The following PPARA variants were observed in gnomAD, a reference collection of about 807,000 sequenced individuals.
The protein encoded by PPARA is peroxisome proliferator activated receptor alpha.
PPARA carries 22 observed loss-of-function variants against 42.2 expected under a neutral mutation model. The ratio of observed to expected loss-of-function variants is 0.52; its 90% confidence interval spans 0.37 to 0.74. The LOEUF (loss-of-function observed/expected upper bound fraction) is 0.74. Among genes scored for constraint, PPARA ranks in the 30% least tolerant of loss-of-function variants. The pLI is 0.00. For synonymous variants in PPARA, 242 were observed against 239.3 expected (o/e 1.01, Z -0.10); for missense variants, 465 against 608.2 (o/e 0.76, Z 2.48).
rs529713117 is a variant in PPARA, at chr22:46,230,517, G to A, written c.712-1275G>A. 4.6e-5 allele frequency among the ~76,000 whole-genome samples: 7 copies of A among 152,354 alleles called. No individual in the cohort carries two copies. The highest frequency in any genetic ancestry group is 1.7e-4 in the African/African-American group (7 of 41,584). On this transcript the variant is annotated intron_variant, in intron 7 of 8. Coordinates refer to ENST00000407236, the MANE Select transcript of PPARA (RefSeq NM_005036.6). The surrounding 1 kb of genome is among the most constrained non-coding windows in gnomAD (Gnocchi z 5.0). ...GATGTAAATTTCAGCCAACAGCAGT[G>A]TTTGTGCTCATTTTCCCCGGCTCTC...
In PPARA at chr22:46,162,643, CA is replaced by C. The variant is rs1569185483; in HGVS notation, c.-127+10674del. On this transcript the variant is annotated intron_variant, in intron 2 of 8. Coordinates refer to ENST00000407236, the MANE Select transcript of PPARA (RefSeq NM_005036.6). The surrounding 1 kb of genome is among the most constrained non-coding windows in gnomAD (Gnocchi z 6.0). Reference sequence around the variant, plus strand: ...CCCCGTGAGGCCAGAGTCCTTGGCTCATCACTCATGGTTGAACCCGGAGCCT... The same window carrying C: ...CCCCGTGAGGCCAGAGTCCTTGGCTCTCACTCATGGTTGAACCCGGAGCCT... Among the ~76,000 whole-genome samples the C allele has an allele frequency of 6.6e-6, 1 of 152,176 alleles. No homozygotes were observed. The highest frequency in any genetic ancestry group is 2.4e-5 in the African/African-American group (1 of 41,424).
chr22:46,177,041 T>A (rs921093038), intron 3 of PPARA, among the ~76,000 whole-genome samples: 1 of 152,052 alleles, frequency 6.6e-6, no homozygotes, highest in Admixed American at 6.5e-5. Context: ...AAACCCTGTC[T>A]CTACTACAAA....
rs539549628 is a variant in PPARA, at chr22:46,230,093, C to T, written c.712-1699C>T. Among the ~76,000 whole-genome samples, 17 of 152,266 alleles carry T rather than the reference C, an allele frequency of 1.1e-4. No individual in the cohort carries two copies. In the East Asian group the frequency reaches 1.4e-3, roughly 12 times the overall value. On this transcript the variant is annotated intron_variant, in intron 7 of 8. Coordinates refer to ENST00000407236, the MANE Select transcript of PPARA (RefSeq NM_005036.6). This position sits in a 1 kb window ranked among gnomAD's most constrained non-coding sequence, Gnocchi z 5.0. ...AGTGATTAGAAATAACGCTGTAGGC[C>T]GGGCGCGGTGGCTCACCCCTGTAAT...
In PPARA at chr22:46,169,780, A is replaced by G. The variant is rs560117030; in HGVS notation, c.-126-6973A>G. ...GCTTAAATATAGCCCAAATAAATAGATGGATATACTATGTTCATGGAAGGG... is the reference window on the plus strand; with the variant it reads ...GCTTAAATATAGCCCAAATAAATAGGTGGATATACTATGTTCATGGAAGGG... On this transcript the variant is annotated intron_variant, in intron 2 of 8. Coordinates refer to ENST00000407236, the MANE Select transcript of PPARA (RefSeq NM_005036.6). 2.6e-5 allele frequency among the ~76,000 whole-genome samples: 4 copies of G among 152,144 alleles called. No individual in the cohort carries two copies. The East Asian group carries it at 7.7e-4, about 29-fold the overall frequency.
chr22:46,154,073 T>A (rs564273850), intron 2 of PPARA, among the ~76,000 whole-genome samples: 1 of 152,360 alleles, frequency 6.6e-6, no homozygotes, highest in South Asian at 2.1e-4. Flanking sequence ...TATGTGTATA[T>A]ATTTAATACA....
At chr22:46,157,650 TG>T (rs1925523631) in intron 2 of PPARA, among the ~76,000 whole-genome samples, 1 of 152,208 alleles carries the variant, frequency 6.6e-6, no homozygotes, top group African/African-American at 2.4e-5. Flanking sequence ...TGCAAGATCA[TG>T]GATTTAAATT....
rs543555920 is a variant in PPARA at position 46,166,800 on chromosome 22, G to A, written c.-126-9953G>A. ...AGAAGACTCAGTATCTTAGGATGGC[G>A]ACTTTTCCCAAAATGATCTACAGAT... On this transcript the variant is annotated intron_variant, in intron 2 of 8. Transcript: ENST00000407236. 3.3e-5 allele frequency among the ~76,000 whole-genome samples: 5 copies of A among 152,180 alleles called. No homozygotes were observed. The South Asian group carries it at 8.3e-4, about 25-fold the overall frequency.
rs1452233202 is a variant in PPARA, at chr22:46,192,168, A to G, written c.-42-6174A>G. Among the ~76,000 whole-genome samples, 1 of 152,236 alleles carries G rather than the reference A, an allele frequency of 6.6e-6. No homozygotes were observed. Among genetic ancestry groups the G allele is most frequent in the Non-Finnish European group, 1.5e-5 (1 of 68,032 alleles). Reference sequence around the variant, plus strand: ...TTAGGTGAATATGTTCCCTAGCCTCACAAAGCATACAGTCTAGTAGGAGAG... The same window carrying G: ...TTAGGTGAATATGTTCCCTAGCCTCGCAAAGCATACAGTCTAGTAGGAGAG... On this transcript the variant is annotated intron_variant, in intron 3 of 8. Coordinates refer to ENST00000407236, the MANE Select transcript of PPARA (RefSeq NM_005036.6). This position sits in a 1 kb window ranked among gnomAD's most constrained non-coding sequence, Gnocchi z 4.3.
At chr22:46,229,106 CAAA>C (rs533415499) in intron 7 of PPARA, among the ~76,000 whole-genome samples, 2,630 of 129,530 alleles carry the variant, frequency 0.02, 65 homozygotes, top group African/African-American at 0.064. Flanking sequence ...GACTCCATCT[CAAA>C]AAAAAAAAAA....
chr22:46,222,218 C>T lies in PPARA; in HGVS notation c.711+2204C>T, dbSNP rs1230815436. On this transcript the variant is annotated intron_variant, in intron 7 of 8. Transcript: ENST00000407236. This position sits in a 1 kb window ranked among gnomAD's most constrained non-coding sequence, Gnocchi z 5.9. ...CCCCGCCTGCCTGGCCTAAGTCCTC[C>T]TTCCCCCTCCCCAACAGTTAAATAA... 6.6e-6 allele frequency among the ~76,000 whole-genome samples: 1 copy of T among 152,182 alleles called. No homozygotes were observed. The highest frequency in any genetic ancestry group is 1.9e-4 in the East Asian group (1 of 5,194).
At position 46,211,150 on chromosome 22, in the gene PPARA, C is replaced by A. The variant is rs1354701446; in HGVS notation, c.209-4023C>A. ...TATATGTATACATACTAACCTATGT[C>A]TATACAGGAATCTATCGGTATTTCT... is the stretch of plus-strand genomic sequence containing the variant. On this transcript the variant is annotated intron_variant, in intron 4 of 8. Coordinates refer to ENST00000407236, the MANE Select transcript of PPARA (RefSeq NM_005036.6). This position sits in a 1 kb window ranked among gnomAD's most constrained non-coding sequence, Gnocchi z 4.1. 1.3e-5 allele frequency among the ~76,000 whole-genome samples: 2 copies of A among 152,194 alleles called. No individual in the cohort carries two copies. Among genetic ancestry groups the A allele is most frequent in the African/African-American group, 4.8e-5 (2 of 41,434 alleles).
chr22:46,166,357 C>A (rs1458376788), intron 2 of PPARA, among the ~76,000 whole-genome samples: 3 of 152,180 alleles, frequency 2.0e-5, no homozygotes. Flanking sequence ...GTGGCTCATG[C>A]CTGTAATCCC....
Position 46,242,314 on chromosome 22 carries a change from G to A in PPARA, c.*6934G>A, listed in dbSNP as rs79700435. On this transcript the variant is annotated 3_prime_UTR_variant, in exon 9 of 9. Transcript: ENST00000407236. The surrounding 1 kb of genome is among the most constrained non-coding windows in gnomAD (Gnocchi z 6.1). ...CAGAGAGGGTCAGCCTTCAGGCCCC[G>A]GAGACGAGTGACTGGCCGATCATTT... is the stretch of plus-strand genomic sequence containing the variant. 15,103 of 152,620 alleles carry A rather than the reference G, an allele frequency of 0.099. 818 individuals are homozygous for A. The highest frequency in any genetic ancestry group is 0.11 in the Non-Finnish European group (7,658 of 68,008). 9.5% of individuals were successfully genotyped at this position (152,620 alleles called of 1,614,324 possible).
intron 2 of PPARA, chr22:46,155,154 AGT>A (rs1925115066): frequency 6.6e-6 from 1 of 151,850 alleles, no homozygotes. Context: ...AAATAGGATG[AGT>A]GTCTTTACTT....
At chr22:46,151,131 G>T (rs569229477) in intron 1 of PPARA, 2 of 151,510 alleles carry the variant, frequency 1.3e-5, no homozygotes, top group Non-Finnish European at 2.9e-5. Context: ...AGACCTCCAG[G>T]GATCTCCGAG....
At position 46,212,065 on chromosome 22, in the gene PPARA, C is replaced by G. The variant is rs962039874; in HGVS notation, c.209-3108C>G. 1.3e-5 allele frequency among the ~76,000 whole-genome samples: 2 copies of G among 149,660 alleles called. No individual in the cohort carries two copies. Among genetic ancestry groups the G allele is most frequent in the East Asian group, 2.0e-4 (1 of 4,980 alleles). On this transcript the variant is annotated intron_variant, in intron 4 of 8. Coordinates refer to ENST00000407236, the MANE Select transcript of PPARA (RefSeq NM_005036.6). This position sits in a 1 kb window ranked among gnomAD's most constrained non-coding sequence, Gnocchi z 4.2. ...TCCCTCTCCTCTCTTCTCCTCTCCTCTCCTTTGATGGAGGTCTCACTGTGA... is the reference window on the plus strand; with the variant it reads ...TCCCTCTCCTCTCTTCTCCTCTCCTGTCCTTTGATGGAGGTCTCACTGTGA...
rs1396898619 is a variant in PPARA, at chr22:46,219,465, T to C, written c.509-347T>C. Among the ~76,000 whole-genome samples the C allele has an allele frequency of 6.6e-6, 1 of 152,210 alleles. No homozygotes were observed. Among genetic ancestry groups the C allele is most frequent in the Non-Finnish European group, 1.5e-5 (1 of 68,034 alleles). On this transcript the variant is annotated intron_variant, in intron 6 of 8. Coordinates refer to ENST00000407236, the MANE Select transcript of PPARA (RefSeq NM_005036.6). The surrounding 1 kb of genome is among the most constrained non-coding windows in gnomAD (Gnocchi z 4.8). ...CTTCTGGAAAAAGAAGCAGTTATTATATAAACTCATCCCGAAGCCCCGTTC... is the reference window on the plus strand; with the variant it reads ...CTTCTGGAAAAAGAAGCAGTTATTACATAAACTCATCCCGAAGCCCCGTTC...
At chr22:46,185,917 ATATATATATATATATATATATATATAT>A (rs1226860871) in intron 3 of PPARA, among the ~76,000 whole-genome samples, 1 of 10,096 alleles carries the variant, frequency 9.9e-5, no homozygotes, top group African/African-American at 3.2e-4. Flanking sequence ...AAAAAAAAAA[ATATATATATATATATATATATATATAT>A]ATATATATAT....
rs1003084466 is a variant in PPARA at position 46,234,654 on chromosome 22, C to T, written c.1160-479C>T. ...AGTATCTGGGATTACAGGCGTGAGC[C>T]ACCGTGCCTGGCCTACAAAACCTAG... On this transcript the variant is annotated intron_variant, in intron 8 of 8. Coordinates refer to ENST00000407236, the MANE Select transcript of PPARA (RefSeq NM_005036.6). This position sits in a 1 kb window ranked among gnomAD's most constrained non-coding sequence, Gnocchi z 5.8. Among the ~76,000 whole-genome samples the T allele has an allele frequency of 1.3e-5, 2 of 152,220 alleles. No homozygotes were observed. The highest frequency in any genetic ancestry group is 4.8e-5 in the African/African-American group (2 of 41,458).
Sources: allele counts gnomAD v4.1 joint callset (sites outside exome capture counted in the v4.1 genomes callset), GRCh38; gene constraint gnomAD v4.1.1; non-coding constraint Gnocchi (gnomAD v3.1); transcripts MANE v1.5; gene names NCBI Gene and HGNC (gene_info 2026-07-23, HGNC 2026-07-21).